SEC23B: variants seen among roughly 807,000 people sequenced by gnomAD.
The protein encoded by SEC23B is SEC23 homolog B, COPII component, also known as protein transport protein Sec23B.
Under a neutral mutation model 104.3 loss-of-function variants are expected in SEC23B, and 77 were observed. The ratio of observed to expected loss-of-function variants is 0.74; its 90% CI spans 0.61 to 0.89. The LOEUF is 0.89. Ranked by LOEUF, SEC23B falls within the 40% of genes least tolerant of loss-of-function variation. The pLI is 0.00. For missense variants in SEC23B, 885 were observed against 949.4 expected (o/e 0.93, Z 0.89); for synonymous variants, 338 against 332.5 (o/e 1.02, Z -0.18).
rs1172483628 is a variant in SEC23B at position 18,539,721 on chromosome 20, T to G, written c.1405-2575T>G. ...GTGCAGTGGCACCATCTCAGCTCAC[T>G]GCAACCTCTGCCTCCCGGGGTCAAG... On this transcript the variant is annotated intron_variant, in intron 12 of 19. Transcript: ENST00000650089. 2.0e-5 allele frequency among the ~76,000 whole-genome samples: 3 copies of G among 148,530 alleles called. No homozygotes were observed. In the East Asian group the frequency reaches 6.5e-4, roughly 32 times the overall value.
chr20:18,518,958 A>G lies in SEC23B; in HGVS notation c.366+3222A>G, dbSNP rs1341611491. Among the ~76,000 whole-genome samples, 6 of 152,222 alleles carry G rather than the reference A, an allele frequency of 3.9e-5. No individual in the cohort carries two copies. In the East Asian group the frequency reaches 9.6e-4, roughly 24 times the overall value. On this transcript the variant is annotated intron_variant, in intron 4 of 19. Transcript: ENST00000650089. ...TATGGAAGGCATATTTAGAGTCAGT[A>G]TAATTATTGACACGTAATTCCTTTG...
chr20:18,515,139 C>A (rs1158039040), intron 3 of SEC23B, among the ~76,000 whole-genome samples: 1 of 152,068 alleles, frequency 6.6e-6, no homozygotes, highest in Non-Finnish European at 1.5e-5. Context: ...ATAAAGTGTG[C>A]TTTTAAACAT....
intron 4 of SEC23B, among the ~76,000 whole-genome samples, chr20:18,518,521 C>T (rs191508258): frequency 4.0e-5 from 6 of 149,224 alleles, no homozygotes; most frequent in African/African-American, 1.5e-4. Flanking sequence ...GGCTTGTAAC[C>T]TACATGGAAG....
intron 4 of SEC23B, among the ~76,000 whole-genome samples, chr20:18,523,991 C>T (rs190699936): frequency 9.8e-5 from 15 of 152,308 alleles, no homozygotes; most frequent in Non-Finnish European, 8.8e-5. Context: ...GCTGGGATTA[C>T]AGGCATGAAC....
chr20:18,527,915 A>T (rs769922478), intron 9 of SEC23B, among the ~76,000 whole-genome samples: 1 of 152,244 alleles, frequency 6.6e-6, no homozygotes, highest in African/African-American at 2.4e-5. Context: ...TCTGGCCTTC[A>T]TCAGGGCACT....
intron 15 of SEC23B, 100 bp from the exon 16 acceptor site, chr20:18,548,509 T>C: frequency 8.5e-7 from 1 of 1,182,594 alleles, no homozygotes; most frequent in Non-Finnish European, 1.2e-6. Context: ...AGCCCTTTTC[T>C]GGGTTCTCCT....
chr20:18,517,244 A>G (rs2060037603), intron 4 of SEC23B, among the ~76,000 whole-genome samples: 1 of 152,212 alleles, frequency 6.6e-6, no homozygotes, highest in Admixed American at 6.5e-5. Context: ...GTGGTGGATT[A>G]TCATTAGTTC....
intron 12 of SEC23B, among the ~76,000 whole-genome samples, chr20:18,538,987 C>T (rs980812745): frequency 2.0e-5 from 3 of 149,926 alleles, no homozygotes; most frequent in Middle Eastern, 3.5e-3. Flanking sequence ...AGGTGGATCA[C>T]GAGGTCAGGA....
At chr20:18,524,849 C>A in intron 5 of SEC23B, 86 bp from the exon 6 acceptor site, 1 of 1,454,252 alleles carries the variant, frequency 6.9e-7, no homozygotes, top group Non-Finnish European at 9.6e-7. Flanking sequence ...CATGCCACCA[C>A]ACCCAGCTGA....
At chr20:18,522,291 A>G (rs2060090796) in intron 4 of SEC23B, among the ~76,000 whole-genome samples, 1 of 152,168 alleles carries the variant, frequency 6.6e-6, no homozygotes, top group Admixed American at 6.5e-5. Context: ...CGCCAATGGA[A>G]TGTGGGTGAA....
At chr20:18,545,171 T>C (rs2060321217) in intron 14 of SEC23B, among the ~76,000 whole-genome samples, 1 of 152,144 alleles carries the variant, frequency 6.6e-6, no homozygotes, top group South Asian at 2.1e-4. Context: ...CATCTGGCTC[T>C]AGTGTTCATT....
rs537052622 is a variant in SEC23B, at chr20:18,539,206, C to T, written c.1405-3090C>T. Among the ~76,000 whole-genome samples the T allele has an allele frequency of 2.5e-4, 30 of 119,942 alleles. No homozygotes were observed. The South Asian group carries it at 5.1e-3, about 20-fold the overall frequency. 78.7% of individuals were successfully genotyped at this position (119,942 alleles called of 152,430 possible). The stretch of plus-strand genomic sequence containing the variant: ...CAGCCTGGGAGACAGAGCAAGACTC[C>T]GTCTAAAAAAAAAAAAAGGCCGGGT... On this transcript the variant is annotated intron_variant, in intron 12 of 19. Transcript: ENST00000650089.
upstream of SEC23B, chr20:18,507,930 G>C (rs113396443): frequency 0.011 from 1,671 of 152,724 alleles, 36 homozygotes; most frequent in African/African-American, 0.039. Context: ...GTGGGAGCCG[G>C]AGCCTGCTTG....
intron 19 of SEC23B, among the ~76,000 whole-genome samples, chr20:18,556,007 C>G (rs2060434042): frequency 6.6e-6 from 1 of 151,592 alleles, no homozygotes; most frequent in African/African-American, 2.4e-5. Context: ...GACAGATCAT[C>G]AGGCATTAGA....
chr20:18,510,959 C>T lies in SEC23B; in HGVS notation c.124C>T (p.Leu42Phe). ...AATGGTTGTACCCCTGGCTTGTCTC[C>T]TTACTCCTTTGAAAGAACGTCCAGA... ...TRMVVPLACL[L>F]TPLKERPDLP... The change falls in exon 2 of 20, where the codon CTT (leucine) becomes TTT (phenylalanine). Residue 42 changes from leucine (L) to phenylalanine (F), a missense_variant. By Grantham distance (22) the Leu-to-Phe change is conservative (BLOSUM62 0). Coordinates refer to ENST00000650089, the MANE Select transcript of SEC23B (RefSeq NM_006363.6). 1 of 1,614,186 alleles carries T rather than the reference C, an allele frequency of 6.2e-7. No homozygotes were observed. Among genetic ancestry groups the T allele is most frequent in the Non-Finnish European group, 8.5e-7 (1 of 1,180,026 alleles).
At chr20:18,521,096 C>T (rs997778847) in intron 4 of SEC23B, among the ~76,000 whole-genome samples, 7 of 152,170 alleles carry the variant, frequency 4.6e-5, no homozygotes, top group African/African-American at 1.7e-4. Context: ...GAACCCCTGG[C>T]AGCTGCGGTT....
At chr20:18,520,976 C>T (rs62216380) in intron 4 of SEC23B, among the ~76,000 whole-genome samples, 19,096 of 152,096 alleles carry the variant, frequency 0.13, 1,312 homozygotes, top group Admixed American at 0.18. Flanking sequence ...AGTGGGGTCC[C>T]GCACAGATGG....
intron 17 of SEC23B, among the ~76,000 whole-genome samples, chr20:18,553,913 GA>G (rs1201910758): frequency 9.0e-6 from 1 of 111,380 alleles, no homozygotes; most frequent in Non-Finnish European, 2.1e-5. Flanking sequence ...TAGACTGAGT[GA>G]TAACAGTGGA....
At chr20:18,519,513 A>G (rs2060063782) in intron 4 of SEC23B, among the ~76,000 whole-genome samples, 1 of 152,226 alleles carries the variant, frequency 6.6e-6, no homozygotes, top group South Asian at 2.1e-4. Context: ...CAGTAAGGTC[A>G]AGTTGTTTGG....
Sources: gnomAD v4.1 joint callset for allele counts (sites outside exome capture counted in the v4.1 genomes callset) on GRCh38, gnomAD v4.1.1 for gene constraint, MANE v1.5 for transcripts, NCBI Gene and HGNC (gene_info 2026-07-23, HGNC 2026-07-21) for gene names.